APBB2: variants seen among roughly 807,000 people sequenced by gnomAD.
APBB2 encodes the protein Fe65-like 1.
APBB2 carries 38 observed loss-of-function variants against 82.5 expected under a neutral mutation model. The ratio of observed to expected loss-of-function variants is 0.46; its 90% CI spans 0.36 to 0.60. APBB2 has a LOEUF of 0.60. Ranked by LOEUF, APBB2 falls within the 20% of genes least tolerant of loss-of-function variation. The probability of loss-of-function intolerance (pLI) is 0.00; values close to 1 mark genes in which losing one functional copy is unlikely to be tolerated. For missense variants in APBB2, 772 were observed against 972.3 expected (o/e 0.79, Z 2.74); for synonymous variants, 341 against 368.2 (o/e 0.93, Z 0.85).
At chr4:40,954,151 A>T (rs1790959202) in intron 6 of APBB2, among the ~76,000 whole-genome samples, 1 of 152,124 alleles carries the variant, frequency 6.6e-6, no homozygotes, top group Non-Finnish European at 1.5e-5. Flanking sequence ...CCCTAGGCTC[A>T]CCTGCAGAAA....
At chr4:41,186,531 C>A (rs2154067589) in intron 1 of APBB2, among the ~76,000 whole-genome samples, 1 of 152,198 alleles carries the variant, frequency 6.6e-6, no homozygotes, top group African/African-American at 2.4e-5. Flanking sequence ...TACACTATGT[C>A]AACAACTGTT....
intron 5 of APBB2, among the ~76,000 whole-genome samples, chr4:41,019,684 C>T (rs56900772): frequency 4.2e-4 from 64 of 152,028 alleles, no homozygotes; most frequent in Admixed American, 2.8e-3. Context: ...ACAGTAGAAA[C>T]GGTAAAGAAG....
chr4:40,994,969 A>G (rs1356863521), intron 6 of APBB2, among the ~76,000 whole-genome samples: 2 of 152,150 alleles, frequency 1.3e-5, no homozygotes, highest in African/African-American at 4.8e-5. Context: ...TTAAAAAAAA[A>G]AGCAATCATT....
At chr4:41,115,164 C>A (rs565699935) in intron 2 of APBB2, among the ~76,000 whole-genome samples, 3 of 152,094 alleles carry the variant, frequency 2.0e-5, no homozygotes, top group Non-Finnish European at 4.4e-5. Flanking sequence ...TCAGAAATAA[C>A]GCCACACAGC....
At chr4:40,923,739 C>T (rs1267991554) in intron 10 of APBB2, among the ~76,000 whole-genome samples, 1 of 152,226 alleles carries the variant, frequency 6.6e-6, no homozygotes, top group African/African-American at 2.4e-5. Flanking sequence ...TCAGAGGGCG[C>T]AGCTGCCAAG....
At chr4:40,829,402 G>T (rs969523539) in intron 13 of APBB2, among the ~76,000 whole-genome samples, 2 of 152,146 alleles carry the variant, frequency 1.3e-5, no homozygotes, top group African/African-American at 4.8e-5. Context: ...GAAGTCAGGG[G>T]CAAGAAGACT....
At chr4:40,916,851 C>T (rs946430653) in intron 10 of APBB2, among the ~76,000 whole-genome samples, 12 of 152,248 alleles carry the variant, frequency 7.9e-5, no homozygotes, top group African/African-American at 9.6e-5. Flanking sequence ...GAGATGGTGA[C>T]GGGGCAGAAG....
At chr4:41,087,588 C>T (rs1740214819) in intron 3 of APBB2, among the ~76,000 whole-genome samples, 1 of 151,962 alleles carries the variant, frequency 6.6e-6, no homozygotes, top group Non-Finnish European at 1.5e-5. Context: ...ATCACCATGA[C>T]TGGCTAATTT....
chr4:41,060,819 C>A (rs1168813739), intron 4 of APBB2, among the ~76,000 whole-genome samples: 1 of 152,138 alleles, frequency 6.6e-6, no homozygotes, highest in African/African-American at 2.4e-5. Flanking sequence ...ACAGCAGGAG[C>A]AAAGGCACGT....
chr4:41,061,682 G>A (rs1237987347), intron 4 of APBB2, among the ~76,000 whole-genome samples: 2 of 152,176 alleles, frequency 1.3e-5, no homozygotes, highest in African/African-American at 4.8e-5. Context: ...ACAAATATCT[G>A]TATGAAAAGC....
At chr4:41,211,327 A>C (rs948317098) in intron 1 of APBB2, among the ~76,000 whole-genome samples, 30 of 152,228 alleles carry the variant, frequency 2.0e-4, no homozygotes, top group African/African-American at 7.0e-4. Context: ...TAGGAAAATA[A>C]GTATTCCCCC....
chr4:41,150,896 T>C (rs988127932), intron 1 of APBB2, among the ~76,000 whole-genome samples: 10 of 152,072 alleles, frequency 6.6e-5, no homozygotes, highest in African/African-American at 2.4e-4. Context: ...ACCACCATCA[T>C]GTCAGGCCAA....
intron 6 of APBB2, among the ~76,000 whole-genome samples, chr4:40,968,008 G>A (rs1332724606): frequency 6.6e-6 from 1 of 152,232 alleles, no homozygotes; most frequent in Admixed American, 6.5e-5. Context: ...CATAAAAAGT[G>A]CCAAACACTG....
At chr4:40,863,109 C>T (rs1394023910) in intron 12 of APBB2, among the ~76,000 whole-genome samples, 4 of 152,252 alleles carry the variant, frequency 2.6e-5, no homozygotes, top group South Asian at 4.2e-4. Context: ...TTCTGTGTCC[C>T]GCACTGCATT....
chr4:41,013,383 C>A (rs1437508495), intron 6 of APBB2, among the ~76,000 whole-genome samples, 200 bp downstream of exon 6: 2 of 152,098 alleles, frequency 1.3e-5, no homozygotes, highest in East Asian at 1.9e-4. Flanking sequence ...ACTTTATGCA[C>A]GATCCAAAAT....
At chr4:41,106,599 C>T (rs1747328844) in intron 2 of APBB2, among the ~76,000 whole-genome samples, 1 of 152,136 alleles carries the variant, frequency 6.6e-6, no homozygotes, top group African/African-American at 2.4e-5. Context: ...GCCTCAGCCT[C>T]CCAAGTAGCT....
At chr4:40,951,550 T>C (rs1294559014) in intron 6 of APBB2, among the ~76,000 whole-genome samples, 1 of 152,264 alleles carries the variant, frequency 6.6e-6, no homozygotes, top group Non-Finnish European at 1.5e-5. Context: ...GAAGTGTCAA[T>C]GCGGTAGGGA....
At chr4:41,000,105 G>GTGTGTGTGTGTATA (rs10694468) in intron 6 of APBB2, among the ~76,000 whole-genome samples, 5 of 135,156 alleles carry the variant, frequency 3.7e-5, no homozygotes, top group South Asian at 4.8e-4. Context: ...GTGTGTGTGT[G>GTGTGTGTGTGTATA]TATAAATTAG....
intron 6 of APBB2, among the ~76,000 whole-genome samples, chr4:40,981,140 G>T (rs192386613): frequency 1.8e-3 from 270 of 152,316 alleles, no homozygotes; most frequent in African/African-American, 5.4e-3. Flanking sequence ...GGGTTAGCAA[G>T]AAAGAGAATC....
Sources: allele counts gnomAD v4.1 joint callset (sites outside exome capture counted in the v4.1 genomes callset), GRCh38; gene constraint gnomAD v4.1.1; transcripts MANE v1.5; gene names NCBI Gene and HGNC (gene_info 2026-07-23, HGNC 2026-07-21).